The following OXR1 variants were observed in gnomAD, a reference collection of about 807,000 sequenced individuals.
OXR1 encodes oxidation resistance protein 1.
OXR1 carries 41 observed loss-of-function variants against 104.6 expected under a neutral mutation model. The observed-to-expected ratio is 0.39, with a 90% confidence interval of 0.31 to 0.51. The LOEUF is 0.51. Ranked by LOEUF, OXR1 falls within the 20% of genes least tolerant of loss-of-function variation. OXR1 has a pLI of 0.77. For missense variants in OXR1, 955 were observed against 1,031.9 expected (o/e 0.93, Z 1.02); for synonymous variants, 348 against 348.4 (o/e 1.00, Z 0.01).
intron 2 of OXR1, among the ~76,000 whole-genome samples, chr8:106,507,948 G>T (rs1812278131): frequency 6.6e-6 from 1 of 152,148 alleles, no homozygotes; most frequent in Non-Finnish European, 1.5e-5. Flanking sequence ...GAAAAGGAAG[G>T]ACTCTGGCTG....
At chr8:106,410,609 TTA>T (rs954029595) in intron 2 of OXR1, among the ~76,000 whole-genome samples, 2 of 152,138 alleles carry the variant, frequency 1.3e-5, no homozygotes, top group African/African-American at 4.8e-5. Context: ...ATCCAAGTGC[TTA>T]TAAACTTAGC....
intron 1 of OXR1, among the ~76,000 whole-genome samples, chr8:106,306,959 A>G (rs1027989180): frequency 6.6e-6 from 1 of 152,236 alleles, no homozygotes; most frequent in Non-Finnish European, 1.5e-5. Context: ...GGAGAGAAAT[A>G]AAAAGGATTG....
At chr8:106,284,811 TA>T (rs547497489) in intron 1 of OXR1, among the ~76,000 whole-genome samples, 11 of 151,328 alleles carry the variant, frequency 7.3e-5, no homozygotes, top group South Asian at 2.1e-4. Flanking sequence ...AATCTTTTTT[TA>T]AAAAAAAAGG....
rs12548869 is a variant in OXR1 at position 106,675,960 on chromosome 8, C to A, written c.221-3250C>A. ...GTCTCTAAGAACTTGCTTTATGAAT[C>A]TGAGTGCTCCTGTGTTGTGTGCATA... is the stretch of plus-strand genomic sequence containing the variant. On this transcript the variant is annotated intron_variant, in intron 3 of 16. Transcript: ENST00000517566. Among the ~76,000 whole-genome samples the A allele has an allele frequency of 2.8e-3, 423 of 152,190 alleles. 7 individuals carry two copies. Among genetic ancestry groups the A allele is most frequent in the Admixed American group, 0.021 (318 of 15,288 alleles).
In OXR1 at chr8:106,364,432, T is replaced by A. The variant is rs1213413459; in HGVS notation, c.23+4796T>A. Among the ~76,000 whole-genome samples, 5 of 151,846 alleles carry A rather than the reference T, an allele frequency of 3.3e-5. No homozygotes were observed. In the East Asian group the frequency reaches 9.7e-4, roughly 29 times the overall value. ...CCATCTCTACTAAAAATACAAAAAA[T>A]TTGCATGGATGGTGGCGCACACCAG... On this transcript the variant is annotated intron_variant, in intron 2 of 16. Transcript: ENST00000517566.
intron 2 of OXR1, among the ~76,000 whole-genome samples, chr8:106,419,994 A>G (rs1206722810): frequency 6.6e-6 from 1 of 152,160 alleles, no homozygotes; most frequent in Non-Finnish European, 1.5e-5. Context: ...TTCTTAGGGC[A>G]GAAAGGAAGG....
chr8:106,729,145 G>C (rs1833624322), intron 11 of OXR1, among the ~76,000 whole-genome samples: 1 of 152,034 alleles, frequency 6.6e-6, no homozygotes, highest in South Asian at 2.1e-4. Context: ...CTTAATATGA[G>C]TTACCTTATT....
chr8:106,437,243 T>C (rs1191716210), intron 2 of OXR1, among the ~76,000 whole-genome samples: 1 of 152,156 alleles, frequency 6.6e-6, no homozygotes, highest in Non-Finnish European at 1.5e-5. Flanking sequence ...TCTTTTAAAA[T>C]AGCAAGTCTA....
At chr8:106,706,344 T>A (rs761802624) in intron 8 of OXR1, 38 bp from the exon 9 acceptor site, 78 of 1,458,794 alleles carry the variant, frequency 5.3e-5, no homozygotes, top group Non-Finnish European at 7.0e-5. Context: ...TACCACAATT[T>A]TAAAAGTCTA....
chr8:106,430,089 T>C (rs1312021190), intron 2 of OXR1, among the ~76,000 whole-genome samples: 5 of 152,002 alleles, frequency 3.3e-5, no homozygotes, highest in East Asian at 1.9e-4. Context: ...ATATAACAGG[T>C]TGGTATCTTT....
intron 1 of OXR1, among the ~76,000 whole-genome samples, chr8:106,344,874 C>G (rs1199333933): frequency 6.6e-6 from 1 of 152,268 alleles, no homozygotes; most frequent in South Asian, 2.1e-4. Context: ...TTTCACAATT[C>G]TTTTGTGTCT....
intron 1 of OXR1, among the ~76,000 whole-genome samples, chr8:106,350,552 A>T (rs775321482): frequency 6.6e-6 from 1 of 152,328 alleles, no homozygotes; most frequent in South Asian, 2.1e-4. Flanking sequence ...ACTTTAATAC[A>T]AGTAAAATGA....
intron 3 of OXR1, among the ~76,000 whole-genome samples, 162 bp from the exon 4 acceptor site, chr8:106,679,048 C>A (rs1453501488): frequency 2.0e-5 from 3 of 151,920 alleles, no homozygotes; most frequent in African/African-American, 7.2e-5. Flanking sequence ...AAGTTCAGTT[C>A]CTTTTTTTTG....
chr8:106,675,998 A>G (rs1563693738), intron 3 of OXR1, among the ~76,000 whole-genome samples: 2 of 152,088 alleles, frequency 1.3e-5, no homozygotes, highest in Admixed American at 1.3e-4. Context: ...TATATCTAGG[A>G]TAGTTAGATC....
chr8:106,509,861 C>T (rs1226362006), intron 2 of OXR1, among the ~76,000 whole-genome samples: 2 of 152,172 alleles, frequency 1.3e-5, no homozygotes, highest in East Asian at 3.9e-4. Context: ...GCCTCTGCCT[C>T]CTGGATTCAA....
intron 2 of OXR1, among the ~76,000 whole-genome samples, chr8:106,401,933 T>C (rs1818019495): frequency 6.6e-6 from 1 of 152,154 alleles, no homozygotes; most frequent in Non-Finnish European, 1.5e-5. Flanking sequence ...AGCCTGAGGA[T>C]TGGAGAGTTG....
intron 9 of OXR1, among the ~76,000 whole-genome samples, chr8:106,708,904 T>C (rs1831420741): frequency 6.7e-6 from 1 of 148,802 alleles, no homozygotes; most frequent in Admixed American, 6.6e-5. Flanking sequence ...ACACAAGATT[T>C]GGGTCAGTTT....
intron 3 of OXR1, chr8:106,657,753 A>G (rs1825260336): frequency 1.0e-6 from 1 of 998,368 alleles, no homozygotes; most frequent in African/African-American, 1.7e-5. Context: ...AGCCACAAGA[A>G]AAACTTTTCG....
intron 2 of OXR1, among the ~76,000 whole-genome samples, chr8:106,401,802 A>G (rs1348792112): frequency 3.3e-5 from 5 of 152,156 alleles, no homozygotes; most frequent in Non-Finnish European, 7.4e-5. Context: ...CGGTAAGTCT[A>G]AGTAGTTGCT....
Sources: allele counts gnomAD v4.1 joint callset (sites outside exome capture counted in the v4.1 genomes callset), GRCh38; gene constraint gnomAD v4.1.1; transcripts MANE v1.5; gene names NCBI Gene and HGNC (gene_info 2026-07-23, HGNC 2026-07-21).